MGLL: variants seen among roughly 807,000 people sequenced by gnomAD.
MGLL encodes lysophospholipase homolog.
MGLL carries 7 observed loss-of-function variants against 29.1 expected under a neutral mutation model. The ratio of observed to expected loss-of-function variants is 0.24; its 90% CI spans 0.14 to 0.45. The LOEUF is 0.45. Ranked by LOEUF, MGLL falls within the 20% of genes least tolerant of loss-of-function variation. MGLL has a pLI of 0.99. For synonymous variants in MGLL, 148 were observed against 168.3 expected (o/e 0.88, Z 0.93); for missense variants, 356 against 413.6 (o/e 0.86, Z 1.21).
chr3:127,788,560 C>G (rs992217559), intron 2 of MGLL, among the ~76,000 whole-genome samples: 4 of 152,178 alleles, frequency 2.6e-5, no homozygotes, highest in African/African-American at 9.7e-5. Context: ...TCCCGGCACC[C>G]CTACCCTACC....
chr3:127,731,871 A>G (rs564732820), intron 3 of MGLL, among the ~76,000 whole-genome samples: 3 of 152,360 alleles, frequency 2.0e-5, no homozygotes, highest in African/African-American at 7.2e-5. Flanking sequence ...GTGTCTTACC[A>G]TATCCAATTA....
intron 3 of MGLL, among the ~76,000 whole-genome samples, chr3:127,764,259 T>C (rs896055412): frequency 1.3e-5 from 2 of 152,186 alleles, no homozygotes; most frequent in African/African-American, 2.4e-5. Flanking sequence ...GGAAGCCTAA[T>C]GGCCTAAAGA....
chr3:127,804,859 C>A (rs2077538774), intron 2 of MGLL, among the ~76,000 whole-genome samples: 1 of 152,168 alleles, frequency 6.6e-6, no homozygotes, highest in South Asian at 2.1e-4. Context: ...AGGTCTCCCA[C>A]CCACACCTGA....
intron 6 of MGLL, among the ~76,000 whole-genome samples, chr3:127,703,428 G>GATTAGAT (rs2075537593): frequency 6.6e-6 from 1 of 152,242 alleles, no homozygotes; most frequent in African/African-American, 2.4e-5. Context: ...CTGGAGCATG[G>GATTAGAT]ATTAGATCGA....
At chr3:127,796,953 C>T (rs954378449) in intron 2 of MGLL, among the ~76,000 whole-genome samples, 1 of 152,074 alleles carries the variant, frequency 6.6e-6, no homozygotes, top group Non-Finnish European at 1.5e-5. Context: ...TTATCACATT[C>T]CCCCGGGGCG....
chr3:127,713,123 T>C (rs1010453800), intron 5 of MGLL: 1 of 152,252 alleles, frequency 6.6e-6, no homozygotes, highest in African/African-American at 2.4e-5. Flanking sequence ...TCCACAGTTA[T>C]GAAGAACTCA....
chr3:127,786,051 G>C (rs1404024732), intron 2 of MGLL, among the ~76,000 whole-genome samples: 1 of 152,344 alleles, frequency 6.6e-6, no homozygotes, highest in South Asian at 2.1e-4. Context: ...CCCGAGTCCA[G>C]AGCGCCATGT....
At chr3:127,775,120 G>A (rs2077011670) in intron 3 of MGLL, among the ~76,000 whole-genome samples, 1 of 152,066 alleles carries the variant, frequency 6.6e-6, no homozygotes, top group Non-Finnish European at 1.5e-5. Flanking sequence ...GGGGACGAAG[G>A]GAATGAGTTG....
chr3:127,738,497 C>T (rs962749130), intron 3 of MGLL, among the ~76,000 whole-genome samples: 1 of 152,040 alleles, frequency 6.6e-6, no homozygotes, highest in African/African-American at 2.4e-5. Context: ...TGTTCAGCAC[C>T]CACTCAGCCC....
rs115798292 is a variant in MGLL, at chr3:127,760,727, G to A, written c.262+21062C>T. On this transcript the variant is annotated intron_variant, in intron 3 of 7. Coordinates refer to ENST00000265052, the MANE Select transcript of MGLL (RefSeq NM_007283.7). The stretch of plus-strand genomic sequence containing the variant: ...GGGGGGCGCTGGTCCAATGGAACCT[G>A]CGGCTCTGCACCCCAAAGCATTTTC... 6.5e-3 allele frequency among the ~76,000 whole-genome samples: 984 copies of A among 152,338 alleles called. 18 individuals are homozygous for A. Among genetic ancestry groups the A allele is most frequent in the African/African-American group, 0.022 (915 of 41,578 alleles).
At chr3:127,772,812 G>A (rs543894750) in intron 3 of MGLL, among the ~76,000 whole-genome samples, 1 of 152,326 alleles carries the variant, frequency 6.6e-6, no homozygotes, top group South Asian at 2.1e-4. Flanking sequence ...CCTCATGAAT[G>A]GGGTTAGAGG....
rs775323231 is a variant in MGLL, at chr3:127,710,600, G to A, written c.576C>T (p.Ser192=). 4.1e-5 allele frequency: 65 copies of A among 1,568,522 alleles called. No homozygotes were observed. The highest frequency in any genetic ancestry group is 3.6e-4 in the African/African-American group (27 of 74,150). Reference sequence around the variant, plus strand: ...CCTCTGTCTTATTCCGAGAGAGCACGCTGGAGTCGATGGGCCCGAGGGACA... The same window carrying A: ...CCTCTGTCTTATTCCGAGAGAGCACACTGGAGTCGATGGGCCCGAGGGACA... ...PNLSLGPIDS[S]VLSRNKTEVD... The change falls in exon 6 of 8, where the codon AGC becomes AGT. Residue 192 remains serine, a synonymous_variant. Coordinates refer to ENST00000265052, the MANE Select transcript of MGLL (RefSeq NM_007283.7).
At chr3:127,802,719 G>A (rs1455299160) in intron 2 of MGLL, among the ~76,000 whole-genome samples, 9 of 152,194 alleles carry the variant, frequency 5.9e-5, no homozygotes, top group Admixed American at 1.3e-4. Context: ...TAGGCCAGCC[G>A]GGGCCCTGGC....
chr3:127,793,722 C>T (rs2077338403), intron 2 of MGLL, among the ~76,000 whole-genome samples: 1 of 152,136 alleles, frequency 6.6e-6, no homozygotes, highest in African/African-American at 2.4e-5. Context: ...CCACCACGCC[C>T]AGCTAATTTT....
At chr3:127,736,416 A>G (rs2076243618) in intron 3 of MGLL, 1 of 894,426 alleles carries the variant, frequency 1.1e-6, no homozygotes, top group African/African-American at 1.8e-5. Context: ...AGTCACAAAG[A>G]GTAAATGAGT....
Position 127,777,944 on chromosome 3 carries a change from ATGAGTTCATTTTGTACAAATTC to A in MGLL, c.262+3823_262+3844del, listed in dbSNP as rs2077063077. ...CACTGCTGGCAAGCCATTCAAACCCATGAGTTCATTTTGTACAAATTCTGAGGTTAACATGGAGAACAAAGTT... is the reference window on the plus strand; with the variant it reads ...CACTGCTGGCAAGCCATTCAAACCCATGAGGTTAACATGGAGAACAAAGTT... On this transcript the variant is annotated intron_variant, in intron 3 of 7. Coordinates refer to ENST00000265052, the MANE Select transcript of MGLL (RefSeq NM_007283.7). 3.3e-5 allele frequency among the ~76,000 whole-genome samples: 5 copies of A among 152,368 alleles called. 1 individual carries two copies. In the South Asian group the frequency reaches 1.0e-3, roughly 32 times the overall value.
intron 3 of MGLL, among the ~76,000 whole-genome samples, chr3:127,723,035 A>G (rs1023813905): frequency 1.3e-5 from 2 of 152,196 alleles, no homozygotes; most frequent in African/African-American, 4.8e-5. Context: ...CTCATCTTAC[A>G]GTTTTAGGTG....
chr3:127,722,242 C>T (rs1048062079), intron 4 of MGLL, among the ~76,000 whole-genome samples, 188 bp downstream of exon 4: 1 of 152,364 alleles, frequency 6.6e-6, no homozygotes, highest in East Asian at 1.9e-4. Context: ...TCACTAAGGA[C>T]CGGCTGGCAG....
intron 2 of MGLL, among the ~76,000 whole-genome samples, chr3:127,786,691 G>T (rs780589739): frequency 5.3e-5 from 8 of 152,380 alleles, no homozygotes; most frequent in Non-Finnish European, 1.2e-4. Context: ...TATTAATCAG[G>T]TGACCTAACC....
Sources: allele counts gnomAD v4.1 joint callset (sites outside exome capture counted in the v4.1 genomes callset), GRCh38; gene constraint gnomAD v4.1.1; transcripts MANE v1.5; gene names NCBI Gene and HGNC (gene_info 2026-07-23, HGNC 2026-07-21).